Variants in MRPL1 observed in about 807,000 individuals in gnomAD.
MRPL1 encodes large ribosomal subunit protein uL1m.
Under a neutral mutation model 38.0 loss-of-function variants are expected in MRPL1, and 28 were observed. The ratio of observed to expected loss-of-function variants is 0.74; its 90% CI spans 0.55 to 1.01. The LOEUF is 1.01. MRPL1 is among the 50% of genes least tolerant of loss of function. The pLI, the probability that MRPL1 is intolerant of heterozygous loss-of-function variation, is 0.00. For missense variants in MRPL1, 358 were observed against 389.8 expected, an observed-to-expected ratio of 0.92 and a Z score of 0.69; for synonymous variants, 123 against 126.7, an observed-to-expected ratio of 0.97 and a Z score of 0.20.
At chr4:77,877,283 C>G (rs1167786387) in intron 2 of MRPL1, among the ~76,000 whole-genome samples, 2 of 152,026 alleles carry the variant, frequency 1.3e-5, no homozygotes. Flanking sequence ...AATATTTACG[C>G]CTGCAAACAG....
chr4:77,906,604 A>C (rs1168140143), intron 6 of MRPL1, among the ~76,000 whole-genome samples: 1 of 152,176 alleles, frequency 6.6e-6, no homozygotes, highest in Non-Finnish European at 1.5e-5. Context: ...GGCCTTTGTT[A>C]GGGGCATAGA....
chr4:77,881,222 G>A (rs1735533237), intron 2 of MRPL1, among the ~76,000 whole-genome samples: 1 of 152,078 alleles, frequency 6.6e-6, no homozygotes, highest in Non-Finnish European at 1.5e-5. Context: ...TGGAAAGGAG[G>A]TAAAGAATTG....
chr4:77,893,463 A>G (rs1735848480), intron 5 of MRPL1, among the ~76,000 whole-genome samples: 1 of 152,162 alleles, frequency 6.6e-6, no homozygotes, highest in African/African-American at 2.4e-5. Flanking sequence ...TAAGTGGAGT[A>G]TATTGTAGTA....
At chr4:77,905,941 C>T (rs1736147986) in intron 6 of MRPL1, among the ~76,000 whole-genome samples, 1 of 152,136 alleles carries the variant, frequency 6.6e-6, no homozygotes, top group African/African-American at 2.4e-5. Flanking sequence ...TTGCCTGCAT[C>T]TAGGTAGAGA....
At chr4:77,881,897 T>C (rs1193760143) in intron 2 of MRPL1, among the ~76,000 whole-genome samples, 3 of 152,144 alleles carry the variant, frequency 2.0e-5, no homozygotes, top group Admixed American at 2.0e-4. Context: ...CTCTCTTATA[T>C]TGCAGCCAGA....
At chr4:77,933,397 G>A (rs1198049877) in intron 7 of MRPL1, among the ~76,000 whole-genome samples, 1 of 152,156 alleles carries the variant, frequency 6.6e-6, no homozygotes, top group African/African-American at 2.4e-5. Context: ...GGTAAATAAA[G>A]CCCCAGCTTT....
rs148713721 is a variant in MRPL1, at chr4:77,864,969, A to C, written c.31+2090A>C. Among the ~76,000 whole-genome samples, 637 of 148,688 alleles carry C rather than the reference A, an allele frequency of 4.3e-3. 7 individuals carry two copies. Among genetic ancestry groups the C allele is most frequent in the African/African-American group, 0.015 (614 of 40,100 alleles). ...GCAGTGGCACGATCTTGGCTCATGC[A>C]ACCTCTGCCTCCCGGGTTCAAGCAA... On this transcript the variant is annotated intron_variant, in intron 1 of 8. Transcript: ENST00000315567.
chr4:77,901,294 A>G (rs1292600904), intron 6 of MRPL1, among the ~76,000 whole-genome samples: 1 of 152,206 alleles, frequency 6.6e-6, no homozygotes, highest in Non-Finnish European at 1.5e-5. Context: ...TAGAGGAATA[A>G]AAATGATATG....
intron 1 of MRPL1, among the ~76,000 whole-genome samples, chr4:77,868,601 T>C (rs1467166896): frequency 1.3e-5 from 2 of 152,208 alleles, no homozygotes; most frequent in Non-Finnish European, 2.9e-5. Flanking sequence ...GTGTAAGATG[T>C]TATACAAATG....
chr4:77,947,287 C>A (rs1737294113), intron 7 of MRPL1, among the ~76,000 whole-genome samples: 2 of 152,130 alleles, frequency 1.3e-5, no homozygotes, highest in Admixed American at 6.5e-5. Context: ...TGTTTGAAAA[C>A]ATGTATGCTT....
chr4:77,869,846 T>C (rs7676660), intron 1 of MRPL1, among the ~76,000 whole-genome samples: 116,124 of 151,816 alleles, frequency 0.76, 45,185 homozygotes, highest in African/African-American at 0.91. Context: ...CCACCTCAGC[T>C]TCCCAAAGTG....
At chr4:77,875,609 G>A (rs889879918) in intron 2 of MRPL1, among the ~76,000 whole-genome samples, 41 of 151,400 alleles carry the variant, frequency 2.7e-4, no homozygotes, top group African/African-American at 9.7e-4. Flanking sequence ...CCAAGATCGC[G>A]CCACTGCCCT....
intron 6 of MRPL1, 63 bp from the exon 7 acceptor site, chr4:77,909,203 T>C (rs530843976): frequency 1.0e-6 from 1 of 987,966 alleles, no homozygotes; most frequent in East Asian, 2.4e-5. Context: ...TGTGTTTCTT[T>C]TATTCAGTAA....
intron 7 of MRPL1, among the ~76,000 whole-genome samples, chr4:77,918,587 G>A (rs941149013): frequency 3.3e-5 from 5 of 152,044 alleles, no homozygotes; most frequent in East Asian, 3.9e-4. Flanking sequence ...TTAGTCATAC[G>A]GCTTAGCTCA....
chr4:77,897,978 T>C (rs1016081597), intron 6 of MRPL1, among the ~76,000 whole-genome samples: 3 of 152,240 alleles, frequency 2.0e-5, no homozygotes, highest in African/African-American at 4.8e-5. Flanking sequence ...GGTTCTGTTA[T>C]GCTTTCCTTT....
In MRPL1 at chr4:77,883,406, T is replaced by C. The variant is rs201815960; in HGVS notation, c.308T>C (p.Val103Ala). 6 of 1,613,978 alleles carry C rather than the reference T, an allele frequency of 3.7e-6. No individual in the cohort carries two copies. The East Asian group carries it at 1.3e-4, about 36-fold the overall frequency. Residue 103 changes from valine (V) to alanine (A), a missense_variant, in exon 3 of 9, where the codon GTT (valine) becomes GCT (alanine). Coordinates refer to ENST00000315567, the MANE Select transcript of MRPL1 (RefSeq NM_020236.4). ...CAGATATATGAGGTGGAGAAAGCTGTTCACTTACTTAAGAAATTTCAAATT... is the reference window on the plus strand; with the variant it reads ...CAGATATATGAGGTGGAGAAAGCTGCTCACTTACTTAAGAAATTTCAAATT... The part of the protein sequence containing the change: ...PRQIYEVEKA[V>A]HLLKKFQILD...
chr4:77,900,099 C>T (rs1736001593), intron 6 of MRPL1, among the ~76,000 whole-genome samples: 1 of 152,202 alleles, frequency 6.6e-6, no homozygotes, highest in Non-Finnish European at 1.5e-5. Flanking sequence ...GGGTACATAA[C>T]ATATGATGTG....
chr4:77,951,531 C>T (rs933461813), intron 8 of MRPL1, among the ~76,000 whole-genome samples: 6 of 152,194 alleles, frequency 3.9e-5, no homozygotes, highest in Admixed American at 3.3e-4. Context: ...TTCAGTAATA[C>T]AGTACTTTTC....
At chr4:77,913,051 G>T (rs2110249818) in intron 7 of MRPL1, among the ~76,000 whole-genome samples, 1 of 152,136 alleles carries the variant, frequency 6.6e-6, no homozygotes, top group African/African-American at 2.4e-5. Context: ...AAGTAAAAAT[G>T]AATCAAAGAC....
Sources: allele counts gnomAD v4.1 joint callset (sites outside exome capture counted in the v4.1 genomes callset), GRCh38; gene constraint gnomAD v4.1.1; transcripts MANE v1.5; gene names NCBI Gene and HGNC (gene_info 2026-07-23, HGNC 2026-07-21).